Variants in ITGB2 observed in about 807,000 individuals in gnomAD.
ITGB2 encodes integrin beta-2.
Under a neutral mutation model 86.8 loss-of-function variants are expected in ITGB2, and 56 were observed. The ratio of observed to expected loss-of-function variants is 0.65; its 90% CI spans 0.52 to 0.81. The LOEUF is 0.81. Among genes scored for constraint, ITGB2 ranks in the 30% least tolerant of loss-of-function variants. ITGB2 has a pLI of 0.00. For missense variants in ITGB2, 948 were observed against 1,061.2 expected, an observed-to-expected ratio of 0.89 and a Z score of 1.48; for synonymous variants, 457 against 450.4, an observed-to-expected ratio of 1.01 and a Z score of -0.19.
At chr21:44,925,664 C>T (rs1182216833), upstream of ITGB2, among the ~76,000 whole-genome samples, 1 of 152,118 alleles carries the variant, frequency 6.6e-6, no homozygotes, top group Non-Finnish European at 1.5e-5. Flanking sequence ...GTCCATGATA[C>T]AACCCAAAAG....
intron 1 of ITGB2, among the ~76,000 whole-genome samples, chr21:44,919,699 C>A (rs1015196202): frequency 5.3e-5 from 8 of 152,318 alleles, no homozygotes; most frequent in Middle Eastern, 3.4e-3. Context: ...TCCGGCCATC[C>A]CCCCCCTTCC....
chr21:44,898,793 A>G (rs959931555), intron 8 of ITGB2, among the ~76,000 whole-genome samples: 4 of 152,262 alleles, frequency 2.6e-5, no homozygotes, highest in African/African-American at 7.2e-5. Flanking sequence ...GTATTCCAGG[A>G]AAAAACAGAA....
chr21:44,901,312 C>T (rs754464368), intron 6 of ITGB2, among the ~76,000 whole-genome samples, 180 bp downstream of exon 6: 1 of 152,252 alleles, frequency 6.6e-6, no homozygotes, highest in Non-Finnish European at 1.5e-5. Flanking sequence ...GGTCACCCTC[C>T]CTTCCTCCTG....
intron 1 of ITGB2, among the ~76,000 whole-genome samples, chr21:44,919,481 C>T (rs2084266176): frequency 6.6e-6 from 1 of 152,184 alleles, no homozygotes; most frequent in Non-Finnish European, 1.5e-5. Flanking sequence ...GTGAGCTGGG[C>T]ATGGATTCTG....
chr21:44,889,385 A>T lies in ITGB2; in HGVS notation c.1768T>A (p.Cys590Ser). 6.2e-7 allele frequency: 1 copy of T among 1,612,576 alleles called. No homozygotes were observed. Among genetic ancestry groups the T allele is most frequent in the Non-Finnish European group, 8.5e-7 (1 of 1,179,762 alleles). Residue 590 changes from cysteine to serine, a missense_variant, in exon 13 of 16, where the codon TGT becomes AGT. Physicochemically the swap from Cys to Ser is moderately radical, Grantham distance 112. Transcript: ENST00000652462. The stretch of plus-strand genomic sequence containing the variant: ...CAGCGGCACCGGCCACGACCACTAC[A>T]CTCAACACGCCGCGGGTTCAGGCAG... ...EGCLNPRRVECSGRGRCRCNV... is the reference protein window; with the variant it reads ...EGCLNPRRVESSGRGRCRCNV...
intron 12 of ITGB2, 65 bp downstream of exon 12, chr21:44,889,913 G>T: frequency 6.2e-7 from 1 of 1,600,018 alleles, no homozygotes; most frequent in African/African-American, 1.3e-5. Context: ...GGTCCAGAAC[G>T]CACCCCCCAA....
chr21:44,904,533 G>A (rs981832578), intron 4 of ITGB2, among the ~76,000 whole-genome samples: 9 of 149,888 alleles, frequency 6.0e-5, no homozygotes, highest in African/African-American at 9.9e-5. Context: ...ACACATGCAC[G>A]CATACACACA....
In ITGB2 at chr21:44,886,438, G is replaced by A. The variant is rs2083699705; in HGVS notation, c.2248-8C>T. On this transcript the variant is annotated splice_region_variant and splice_polypyrimidine_tract_variant and intron_variant, in intron 15 of 15. Transcript: ENST00000652462. ...CTTGAAAAGGGGATTATCCTGGTGG[G>A]AAATGCAAACAGGGGCTTGTGAGTG... 6.2e-7 allele frequency: 1 copy of A among 1,613,962 alleles called. No individual in the cohort carries two copies. Among genetic ancestry groups the A allele is most frequent in the Non-Finnish European group, 8.5e-7 (1 of 1,179,820 alleles).
chr21:44,910,255 A>C lies in ITGB2; in HGVS notation c.147+29T>G. On this transcript the variant is annotated intron_variant, in intron 3 of 15. Transcript: ENST00000652462. Reference sequence around the variant, plus strand: ...AAGGGCCCTCACCCAGGAGCTGGGCAGGTGGGGAGGGGTCCAGGAGGCACT... The same window carrying C: ...AAGGGCCCTCACCCAGGAGCTGGGCCGGTGGGGAGGGGTCCAGGAGGCACT... 1.9e-6 allele frequency: 3 copies of C among 1,609,884 alleles called. No individual in the cohort carries two copies. The South Asian group carries it at 3.3e-5, about 18-fold the overall frequency.
chr21:44,889,448 C>G lies in ITGB2; in HGVS notation c.1705G>C (p.Glu569Gln), dbSNP rs2083752946. The G allele has an allele frequency of 1.2e-5, 19 of 1,602,934 alleles. No individual in the cohort carries two copies. The highest frequency in any genetic ancestry group is 1.5e-5 in the Non-Finnish European group (18 of 1,175,240). Residue 569 changes from glutamate (E) to glutamine (Q), a missense_variant, in exon 13 of 16, where the codon GAG becomes CAG. Glu to Gln is a conservative substitution (Grantham distance 29, BLOSUM62 2). Transcript: ENST00000652462. Reference protein sequence around the residue: ...CGKCRCHPGFEGSACQCERTT... With the variant: ...CGKCRCHPGFQGSACQCERTT... ...CTCTCGCACTGGCACGCTGAGCCCT[C>G]AAAGCCCGGGTGGCAGCGGCACTTC... is the stretch of plus-strand genomic sequence containing the variant.
upstream of ITGB2, among the ~76,000 whole-genome samples, chr21:44,922,093 A>G (rs2084313916): frequency 6.6e-6 from 1 of 152,238 alleles, no homozygotes; most frequent in East Asian, 1.9e-4. Flanking sequence ...ACAAGAGCAG[A>G]TGATACAAAG....
chr21:44,918,851 G>T (rs2146562878), intron 1 of ITGB2, among the ~76,000 whole-genome samples: 1 of 143,772 alleles, frequency 7.0e-6, no homozygotes, highest in Middle Eastern at 3.6e-3. Context: ...GCCCCTGCCA[G>T]GAGGCCCTGC....
At chr21:44,895,841 A>AAATGAAATGAAATGAAATG (rs373707107) in intron 8 of ITGB2, among the ~76,000 whole-genome samples, 2 of 129,254 alleles carry the variant, frequency 1.5e-5, no homozygotes, top group Non-Finnish European at 3.4e-5. Flanking sequence ...TCAATAAAAT[A>AAATGAAATGAAATGAAATG]AAATGAAATG....
At position 44,896,096 on chromosome 21, in the gene ITGB2, C is replaced by T. The variant is rs867683882; in HGVS notation, c.994-1036G>A. On this transcript the variant is annotated intron_variant, in intron 8 of 15. Transcript: ENST00000652462. ...CCTGCAGTGTGAGTGATCCTGCCTG[C>T]GGTGTGACTGCTCCCGCCTGTGGTG... Among the ~76,000 whole-genome samples, 25 of 151,662 alleles carry T rather than the reference C, an allele frequency of 1.6e-4. 1 individual carries two copies. The highest frequency in any genetic ancestry group is 3.5e-4 in the Non-Finnish European group (24 of 67,884).
At chr21:44,904,409 C>T (rs757509674) in intron 4 of ITGB2, among the ~76,000 whole-genome samples, 4 of 151,754 alleles carry the variant, frequency 2.6e-5, no homozygotes, top group Non-Finnish European at 5.9e-5. Flanking sequence ...ACAAATATAA[C>T]TCATGCACAC....
chr21:44,893,983 T>G, intron 9 of ITGB2: 1 of 299,310 alleles, frequency 3.3e-6, no homozygotes, highest in Non-Finnish European at 6.7e-6. Context: ...CAGACAGAGA[T>G]GGGGCAGAGA....
At chr21:44,907,868 C>G (rs547508414) in intron 3 of ITGB2, 7 of 589,652 alleles carry the variant, frequency 1.2e-5, no homozygotes, top group Non-Finnish European at 1.6e-5. Flanking sequence ...TTGTAGGGCT[C>G]TGACTTTTGG....
At chr21:44,906,049 G>A (rs765299036) in intron 4 of ITGB2, among the ~76,000 whole-genome samples, 6 of 151,954 alleles carry the variant, frequency 3.9e-5, no homozygotes, top group African/African-American at 9.7e-5. Context: ...GTCACAGGTC[G>A]GTGGCCACAC....
intron 11 of ITGB2, among the ~76,000 whole-genome samples, chr21:44,890,547 T>C (rs1458825783): frequency 1.3e-5 from 2 of 152,168 alleles, no homozygotes; most frequent in Non-Finnish European, 2.9e-5. Context: ...TGTGAGTGGC[T>C]GGTGTCTGCT....
Sources: gnomAD v4.1 joint callset for allele counts (sites outside exome capture counted in the v4.1 genomes callset) on GRCh38, gnomAD v4.1.1 for gene constraint, MANE v1.5 for transcripts, NCBI Gene and HGNC (gene_info 2026-07-23, HGNC 2026-07-21) for gene names.